The following ELL variants were observed in gnomAD, a reference collection of about 807,000 sequenced individuals.
The protein encoded by ELL is RNA polymerase II elongation factor ELL.
A neutral mutation model predicts 64.0 loss-of-function variants in ELL; 18 were observed. That is an observed-to-expected ratio of 0.28 (90% CI 0.19 to 0.42). The LOEUF (loss-of-function observed/expected upper bound fraction) is 0.42. ELL is among the 10% of genes least tolerant of loss of function. The probability of loss-of-function intolerance (pLI) is 1.00; values close to 1 mark genes in which losing one functional copy is unlikely to be tolerated. For synonymous variants in ELL, 399 were observed against 376.2 expected (o/e 1.06, Z -0.70); for missense variants, 797 against 870.4 (o/e 0.92, Z 1.06).
rs77028976 is a variant in ELL, at chr19:18,498,562, C to T, written c.135+23359G>A. ...AGTGTCACGACCAGGACAGAAGGTC[C>T]GGTTTAGCTTCAGGGACCCTGTGAG... On this transcript the variant is annotated intron_variant, in intron 1 of 11. Coordinates refer to ENST00000262809, the MANE Select transcript of ELL (RefSeq NM_006532.4). Among the ~76,000 whole-genome samples the T allele has an allele frequency of 4.5e-3, 689 of 152,260 alleles. 2 individuals carry two copies. The highest frequency in any genetic ancestry group is 8.0e-3 in the Non-Finnish European group (546 of 68,012).
At chr19:18,490,602 T>C (rs1209599239) in intron 1 of ELL, among the ~76,000 whole-genome samples, 1 of 152,224 alleles carries the variant, frequency 6.6e-6, no homozygotes, top group Non-Finnish European at 1.5e-5. Flanking sequence ...CAGAGTGTGC[T>C]GGATTTTGGG....
At chr19:18,507,344 T>A (rs1474485348) in intron 1 of ELL, among the ~76,000 whole-genome samples, 1 of 152,254 alleles carries the variant, frequency 6.6e-6, no homozygotes, top group African/African-American at 2.4e-5. Context: ...CCAAGTCTGC[T>A]GCCAGAGCCT....
At chr19:18,483,173 A>AC (rs1243378646) in intron 1 of ELL, among the ~76,000 whole-genome samples, 1 of 152,040 alleles carries the variant, frequency 6.6e-6, no homozygotes, top group Non-Finnish European at 1.5e-5. Flanking sequence ...AGCTCTGGGT[A>AC]ACTCCTGCCT....
chr19:18,467,117 G>GCACC (rs1974954715), intron 2 of ELL, among the ~76,000 whole-genome samples: 1 of 152,188 alleles, frequency 6.6e-6, no homozygotes, highest in Admixed American at 6.5e-5. Context: ...AGCCATGGCT[G>GCACC]CACCCAGCCC....
intron 1 of ELL, among the ~76,000 whole-genome samples, chr19:18,490,275 G>A (rs1221783088): frequency 6.6e-6 from 1 of 151,730 alleles, no homozygotes; most frequent in Non-Finnish European, 1.5e-5. Context: ...CCATTTGAGG[G>A]CCGGCTGGAG....
intron 1 of ELL, among the ~76,000 whole-genome samples, chr19:18,498,082 G>A (rs983056046): frequency 6.6e-6 from 1 of 151,820 alleles, no homozygotes; most frequent in Non-Finnish European, 1.5e-5. Flanking sequence ...AGCCGAGATT[G>A]CACCATTGCA....
intron 1 of ELL, among the ~76,000 whole-genome samples, chr19:18,504,097 G>A (rs1267753386): frequency 6.6e-6 from 1 of 152,250 alleles, no homozygotes; most frequent in Non-Finnish European, 1.5e-5. Context: ...CTGTCACGGC[G>A]GATGCAGGGG....
chr19:18,495,354 TG>T lies in ELL; in HGVS notation c.136-22473del, dbSNP rs1277361493. On this transcript the variant is annotated intron_variant, in intron 1 of 11. Transcript: ENST00000262809. ...GCACATCACCAGCACCCTGGGCTGC[TG>T]GGGTGTGGAGAGGAACTGGCAACAG... Among the ~76,000 whole-genome samples, 4 of 152,142 alleles carry T rather than the reference TG, an allele frequency of 2.6e-5. No homozygotes were observed. The East Asian group carries it at 7.8e-4, about 30-fold the overall frequency.
chr19:18,483,670 C>A (rs1330447180), intron 1 of ELL, among the ~76,000 whole-genome samples: 1 of 152,190 alleles, frequency 6.6e-6, no homozygotes, highest in Non-Finnish European at 1.5e-5. Context: ...CCCTGGGGTC[C>A]CCATGAAGAT....
At chr19:18,503,084 G>A (rs995106285) in intron 1 of ELL, among the ~76,000 whole-genome samples, 2 of 152,194 alleles carry the variant, frequency 1.3e-5, no homozygotes, top group Non-Finnish European at 2.9e-5. Context: ...CTTTACAGCT[G>A]GTTTAATGTG....
intron 1 of ELL, 174 bp from the exon 2 acceptor site, chr19:18,473,056 GT>G: frequency 2.6e-6 from 2 of 764,360 alleles, no homozygotes; most frequent in South Asian, 1.7e-5. Context: ...CCGGAGCAGG[GT>G]TTTAGAAGGA....
intron 1 of ELL, among the ~76,000 whole-genome samples, chr19:18,509,593 GCACATACACACACACACACACACACA>G (rs1231753167): frequency 0.016 from 1,325 of 83,274 alleles, 78 homozygotes; most frequent in African/African-American, 0.042. Flanking sequence ...GCGCGCGCGC[GCACATACACACACACACACACACACA>G]CACACACACA....
intron 2 of ELL, among the ~76,000 whole-genome samples, chr19:18,467,263 C>T (rs1372942283): frequency 6.6e-6 from 1 of 152,110 alleles, no homozygotes; most frequent in Non-Finnish European, 1.5e-5. Flanking sequence ...TCCAGAGGCC[C>T]ATCCTGCCCC....
intron 1 of ELL, among the ~76,000 whole-genome samples, chr19:18,490,612 G>A (rs1251901897): frequency 6.6e-6 from 1 of 152,170 alleles, no homozygotes; most frequent in Non-Finnish European, 1.5e-5. Flanking sequence ...TGGATTTTGG[G>A]TCTGCTTGGT....
chr19:18,509,582 T>TGTGCGCGCGCGCGTGC (rs1555739214), intron 1 of ELL, among the ~76,000 whole-genome samples: 1 of 95,556 alleles, frequency 1.0e-5, no homozygotes, highest in African/African-American at 4.7e-5. Flanking sequence ...CCAATGCACG[T>TGTGCGCGCGCGCGTGC]GCGCGCGCGC....
Position 18,451,555 on chromosome 19 carries a change from TG to T in ELL, c.962del (p.Pro321HisfsTer14). On this transcript the variant is annotated frameshift_variant, in exon 7 of 12. Transcript: ENST00000262809. LOFTEE classifies it high-confidence loss of function. ...ACCCCAGGCATGCCTCACTTACCTG[TG>T]GGGGCGAGGCCGAGCGCCCACGCTC... The part of the protein sequence containing the change: ...PGERGRSASP[P>X]QKRLQPPDFI... 7.1e-7 allele frequency: 1 copy of T among 1,409,690 alleles called. No individual in the cohort carries two copies. 87.3% of individuals were successfully genotyped at this position (1,409,690 alleles called of 1,614,324 possible).
intron 1 of ELL, among the ~76,000 whole-genome samples, chr19:18,495,701 A>G (rs889707449): frequency 3.3e-5 from 5 of 152,212 alleles, no homozygotes; most frequent in African/African-American, 1.2e-4. Context: ...AGCAGAAGCC[A>G]GTCCCCCTGC....
intron 1 of ELL, among the ~76,000 whole-genome samples, chr19:18,509,205 G>T (rs565026727): frequency 1.3e-5 from 2 of 152,004 alleles, no homozygotes; most frequent in Admixed American, 1.3e-4. Context: ...TGAACCAGGC[G>T]CCCTGATGCA....
rs560769066 is a variant in ELL at position 18,488,721 on chromosome 19, T to C, written c.136-15839A>G. Among the ~76,000 whole-genome samples, 4 of 152,228 alleles carry C rather than the reference T, an allele frequency of 2.6e-5. No individual in the cohort carries two copies. The East Asian group carries it at 7.7e-4, about 29-fold the overall frequency. On this transcript the variant is annotated intron_variant, in intron 1 of 11. Coordinates refer to ENST00000262809, the MANE Select transcript of ELL (RefSeq NM_006532.4). ...CTTCTATGGACAGGGCTGCGCATCT[T>C]GGGGGCCAACTTTAAGCAAAGGAGG...
Sources: gnomAD v4.1 joint callset for allele counts (sites outside exome capture counted in the v4.1 genomes callset) on GRCh38, gnomAD v4.1.1 for gene constraint, MANE v1.5 for transcripts, NCBI Gene and HGNC (gene_info 2026-07-23, HGNC 2026-07-21) for gene names.